Variants in ZAN observed in about 807,000 individuals in gnomAD.
The protein encoded by ZAN is zonadhesin.
In ZAN, 260 loss-of-function variants were observed where a neutral mutation model predicts 286.2. The observed-to-expected ratio is 0.91, with a 90% CI of 0.82 to 1.01. ZAN has a LOEUF of 1.01. ZAN is among the 50% of genes least tolerant of loss of function. The probability of loss-of-function intolerance (pLI) is 0.00; values close to 1 mark genes in which losing one functional copy is unlikely to be tolerated. For synonymous variants in ZAN, 1,368 were observed against 1,417.5 expected, an observed-to-expected ratio of 0.97 and a Z score of 0.79; for missense variants, 3,410 against 3,639.2, an observed-to-expected ratio of 0.94 and a Z score of 1.62.
chr7:100,768,426 C>T (rs562717245), intron 26 of ZAN, among the ~76,000 whole-genome samples, 184 bp from the exon 27 acceptor site: 10 of 152,208 alleles, frequency 6.6e-5, no homozygotes, highest in African/African-American at 2.4e-4. Flanking sequence ...GAGCTGAGAT[C>T]GCGCCACTGC....
At chr7:100,761,143 C>T (rs1809545362) in intron 19 of ZAN, among the ~76,000 whole-genome samples, 1 of 152,136 alleles carries the variant, frequency 6.6e-6, no homozygotes, top group Non-Finnish European at 1.5e-5. Context: ...ATCCTCCTGC[C>T]TCGGCCTCCC....
In ZAN at chr7:100,771,145, G is replaced by A. The variant is rs532161086; in HGVS notation, c.5249-699G>A. ...TCTGGAGATGAGGTCTTGCTATGCA[G>A]CCCAGGCTGGTCTTGAACTCCTGGG... On this transcript the variant is annotated intron_variant, in intron 28 of 47. Coordinates refer to ENST00000613979, the MANE Select transcript of ZAN (RefSeq NM_003386.3). Among the ~76,000 whole-genome samples the A allele has an allele frequency of 3.9e-5, 6 of 152,304 alleles. No individual in the cohort carries two copies. In the South Asian group the frequency reaches 1.2e-3, roughly 32 times the overall value.
At position 100,782,764 on chromosome 7, in the gene ZAN, T is replaced by C. The variant is rs375528429; in HGVS notation, c.6623-1859T>C. On this transcript the variant is annotated intron_variant, in intron 35 of 47. Transcript: ENST00000613979. ...TGTAAAATGAGGTATGAATCAACTT[T>C]GTTTTTGTTTTTCTCCAGAAGGCTA... Among the ~76,000 whole-genome samples the C allele has an allele frequency of 1.1e-3, 173 of 152,246 alleles. 3 individuals carry two copies. Among genetic ancestry groups the C allele is most frequent in the Middle Eastern group, 6.8e-3 (2 of 294 alleles).
rs200413422 is a variant in ZAN, at chr7:100,764,099, G to A, written c.4170G>A (p.Gly1390=). The A allele has an allele frequency of 1.2e-6, 2 of 1,613,514 alleles. No individual in the cohort carries two copies. The highest frequency in any genetic ancestry group is 4.5e-5 in the East Asian group (2 of 44,868). ...TGCTTGATATGTGCGGATTCCAGGG[G>A]CTGCAGCACCTGCTGTGCACACACA... is the stretch of plus-strand genomic sequence containing the variant. ...SCMLDMCGFQ[G]LQHLLCTHMS... Residue 1390 remains glycine, a synonymous_variant, in exon 22 of 48, where the codon GGG becomes GGA. Coordinates refer to ENST00000613979, the MANE Select transcript of ZAN (RefSeq NM_003386.3).
intron 22 of ZAN, 148 bp from the exon 23 acceptor site, chr7:100,765,204 C>T (rs1486996371): frequency 1.1e-6 from 1 of 940,410 alleles, no homozygotes; most frequent in Admixed American, 2.6e-5. Flanking sequence ...CAGCCAGGCT[C>T]CTTGGGGAAG....
intron 19 of ZAN, among the ~76,000 whole-genome samples, chr7:100,761,315 G>A (rs1391687383): frequency 3.3e-5 from 5 of 151,844 alleles, no homozygotes; most frequent in African/African-American, 1.2e-4. Flanking sequence ...ACCAGCCTGG[G>A]CAACATAGTG....
chr7:100,784,866 AAC>A, intron 36 of ZAN, 32 bp downstream of exon 36: 2 of 1,545,430 alleles, frequency 1.3e-6, no homozygotes, highest in Non-Finnish European at 1.7e-6. Flanking sequence ...GACTGGAGGC[AAC>A]ACAGCTTGAG....
chr7:100,756,216 G>T (rs561555177), intron 15 of ZAN, among the ~76,000 whole-genome samples: 79 of 152,228 alleles, frequency 5.2e-4, no homozygotes, highest in Middle Eastern at 6.8e-3. Context: ...CTTAATAAGT[G>T]TTAATTATTA....
intron 7 of ZAN, among the ~76,000 whole-genome samples, chr7:100,739,793 G>A (rs1807613196): frequency 7.2e-6 from 1 of 139,724 alleles, no homozygotes; most frequent in African/African-American, 2.6e-5. Context: ...AAGTAACTGG[G>A]ACTACAGGTG....
rs556306977 is a variant in ZAN at position 100,782,014 on chromosome 7, C to T, written c.6622+2264C>T. 3.3e-5 allele frequency among the ~76,000 whole-genome samples: 5 copies of T among 152,126 alleles called. No homozygotes were observed. In the East Asian group the frequency reaches 9.6e-4, roughly 29 times the overall value. On this transcript the variant is annotated intron_variant, in intron 35 of 47. Transcript: ENST00000613979. ...GACATTTTTTCATGTACTTAGGAAC[C>T]CTTTGAATTTCCCTTTCTGTAAACT...
chr7:100,736,388 C>G, intron 3 of ZAN, 95 bp from the exon 4 acceptor site: 1 of 1,334,832 alleles, frequency 7.5e-7, no homozygotes, highest in Middle Eastern at 1.8e-4. Flanking sequence ...GCAGCTTTCT[C>G]TAAGTGTAGC....
chr7:100,761,535 G>A (rs547339693), intron 19 of ZAN, among the ~76,000 whole-genome samples: 1 of 152,294 alleles, frequency 6.6e-6, no homozygotes, highest in East Asian at 1.9e-4. Context: ...TCAGGAGGCT[G>A]AGGTGGGAGA....
intron 35 of ZAN, among the ~76,000 whole-genome samples, chr7:100,781,346 G>C (rs531915745): frequency 6.6e-6 from 1 of 152,198 alleles, no homozygotes; most frequent in Admixed American, 6.6e-5. Context: ...GATTACAGAC[G>C]TGAGACATCT....
At chr7:100,767,378 C>T (rs1369873431) in intron 25 of ZAN, 121 bp downstream of exon 25, 2 of 1,394,136 alleles carry the variant, frequency 1.4e-6, no homozygotes, top group African/African-American at 2.9e-5. Context: ...GAAGCACCTG[C>T]AGCTGACCCA....
At chr7:100,781,652 CTTTTTTTT>C (rs5886134) in intron 35 of ZAN, among the ~76,000 whole-genome samples, 1 of 128,280 alleles carries the variant, frequency 7.8e-6, no homozygotes, top group African/African-American at 2.9e-5. Flanking sequence ...CATTGCTATA[CTTTTTTTT>C]TTTTTTTTTT....
At chr7:100,757,500 A>G (rs971804679) in intron 15 of ZAN, among the ~76,000 whole-genome samples, 4 of 152,004 alleles carry the variant, frequency 2.6e-5, no homozygotes, top group Admixed American at 1.3e-4. Flanking sequence ...CATGCCTGTA[A>G]TCCTAGCACT....
Position 100,737,022 on chromosome 7 carries a change from G to A in ZAN, c.467G>A (p.Arg156Lys), listed in dbSNP as rs776943564. The change falls in exon 5 of 48, where the codon AGA (arginine) becomes AAA (lysine). Residue 156 changes from arginine to lysine, a missense_variant. Physicochemically the swap from Arg to Lys is conservative, Grantham distance 26. This residue lies in a region of ZAN where 872 missense variants were observed against 938.9 expected (regional missense o/e 0.93). Transcript: ENST00000613979. ...CTCTGGAAACACTGGAACACCCAGA[G>A]ACCCTCCTGGATGCTCACCACCGTC... is the stretch of plus-strand genomic sequence containing the variant. ...DVLWKHWNTQ[R>K]PSWMLTTVTV... 1.3e-6 allele frequency: 2 copies of A among 1,499,808 alleles called. No homozygotes were observed. Among genetic ancestry groups the A allele is most frequent in the South Asian group, 2.3e-5 (2 of 85,876 alleles). The allele number at this position is 1,499,808 out of a possible 1,614,324, so 92.9% of individuals were successfully genotyped here. A position where few individuals can be genotyped will look rare whatever the true frequency, so the allele number is the denominator to read the frequency against.
At chr7:100,756,261 T>C (rs987726973) in intron 15 of ZAN, among the ~76,000 whole-genome samples, 2 of 152,122 alleles carry the variant, frequency 1.3e-5, no homozygotes, top group Admixed American at 1.3e-4. Context: ...ATGCAACCTA[T>C]TAATTAAAAG....
At chr7:100,758,387 G>T in intron 16 of ZAN, 44 bp downstream of exon 16, 2 of 1,600,872 alleles carry the variant, frequency 1.2e-6, no homozygotes, top group South Asian at 1.1e-5. Flanking sequence ...CAGCCAGTTG[G>T]AGTAGACGTG....
Sources: allele counts gnomAD v4.1 joint callset (sites outside exome capture counted in the v4.1 genomes callset), GRCh38; gene constraint gnomAD v4.1.1; regional missense constraint gnomAD v4.1.1; transcripts MANE v1.5; gene names NCBI Gene and HGNC (gene_info 2026-07-23, HGNC 2026-07-21).